PRKG1: variants seen among roughly 807,000 people sequenced by gnomAD.
PRKG1 encodes cGMP-dependent protein kinase 1.
PRKG1 carries 35 observed loss-of-function variants against 88.1 expected under a neutral mutation model. That is an observed-to-expected ratio of 0.40 (90% confidence interval 0.30 to 0.53). PRKG1 has a LOEUF of 0.53. Ranked by LOEUF, PRKG1 falls within the 20% of genes least tolerant of loss-of-function variation. The pLI, the probability that PRKG1 is intolerant of heterozygous loss-of-function variation, is 0.59. For missense variants in PRKG1, 540 were observed against 839.8 expected (o/e 0.64, Z 4.41); for synonymous variants, 303 against 292.5 (o/e 1.04, Z -0.37).
chr10:51,495,898 G>A (rs10823083), intron 3 of PRKG1, among the ~76,000 whole-genome samples: 47,320 of 152,012 alleles, frequency 0.31, 7,815 homozygotes, highest in Admixed American at 0.41. Context: ...TGCAGAAGCC[G>A]TGTGGCCAAT....
At chr10:51,629,078 A>G (rs535170432) in intron 3 of PRKG1, among the ~76,000 whole-genome samples, 1 of 152,202 alleles carries the variant, frequency 6.6e-6, no homozygotes, top group Non-Finnish European at 1.5e-5. Flanking sequence ...AATAGAAAGG[A>G]TCATAGTTGA....
intron 14 of PRKG1, among the ~76,000 whole-genome samples, chr10:52,282,923 G>A (rs955246633): frequency 2.0e-5 from 3 of 152,112 alleles, no homozygotes; most frequent in Admixed American, 2.0e-4. Flanking sequence ...TTCGTAAAGA[G>A]GCTTTTGAAG....
chr10:51,865,064 T>C (rs923071576), intron 4 of PRKG1, among the ~76,000 whole-genome samples: 10 of 152,120 alleles, frequency 6.6e-5, no homozygotes, highest in African/African-American at 2.4e-4. Context: ...TAATGAATTA[T>C]AGGAGGATTT....
intron 4 of PRKG1, among the ~76,000 whole-genome samples, chr10:51,865,865 A>T (rs942207708): frequency 5.3e-5 from 8 of 152,094 alleles, no homozygotes; most frequent in African/African-American, 1.9e-4. Flanking sequence ...ATATATAATA[A>T]GCATTATTTT....
At chr10:52,000,159 A>G (rs1844557587) in intron 5 of PRKG1, among the ~76,000 whole-genome samples, 1 of 152,098 alleles carries the variant, frequency 6.6e-6, no homozygotes, top group Non-Finnish European at 1.5e-5. Context: ...ATAATAAAAA[A>G]GCAGAGCTCA....
At chr10:51,365,266 T>C (rs955010070) in intron 2 of PRKG1, among the ~76,000 whole-genome samples, 19 of 151,878 alleles carry the variant, frequency 1.3e-4, no homozygotes, top group African/African-American at 4.6e-4. Context: ...TAACAACATA[T>C]CTAACAGATC....
chr10:52,039,408 A>G (rs1004580580), intron 5 of PRKG1, among the ~76,000 whole-genome samples: 5 of 152,076 alleles, frequency 3.3e-5, no homozygotes, highest in Admixed American at 2.6e-4. Flanking sequence ...AGGACTGGCC[A>G]TTTACACTTC....
intron 6 of PRKG1, among the ~76,000 whole-genome samples, chr10:52,055,931 C>A (rs920404265): frequency 1.4e-4 from 22 of 152,088 alleles, no homozygotes; most frequent in Non-Finnish European, 2.9e-5. Context: ...GGTAATTCTC[C>A]TTGGACTACT....
chr10:51,451,324 A>T (rs556851113), intron 2 of PRKG1, among the ~76,000 whole-genome samples: 3 of 151,866 alleles, frequency 2.0e-5, no homozygotes, highest in East Asian at 3.9e-4. Flanking sequence ...TCTTAAACTA[A>T]CGTGATTTGT....
intron 1 of PRKG1, 91 bp from the exon 2 acceptor site, chr10:51,153,073 T>C (rs539190906): frequency 1.0e-6 from 1 of 985,774 alleles, no homozygotes; most frequent in African/African-American, 1.7e-5. Flanking sequence ...ACATTTGTGG[T>C]GTGCCAGAGC....
chr10:51,531,607 G>C (rs1057236867), intron 3 of PRKG1, among the ~76,000 whole-genome samples: 3 of 147,164 alleles, frequency 2.0e-5, no homozygotes, highest in African/African-American at 7.5e-5. Context: ...TTTGTGAATA[G>C]AGACATTGTT....
chr10:51,608,843 T>C (rs1002860014), intron 3 of PRKG1, among the ~76,000 whole-genome samples: 1 of 152,162 alleles, frequency 6.6e-6, no homozygotes, highest in African/African-American at 2.4e-5. Context: ...ACTATGTAGG[T>C]CTAGTATAAT....
At chr10:52,021,591 T>C (rs1036815152) in intron 5 of PRKG1, among the ~76,000 whole-genome samples, 1 of 152,172 alleles carries the variant, frequency 6.6e-6, no homozygotes, top group Non-Finnish European at 1.5e-5. Flanking sequence ...AAAAATTACA[T>C]ATGTGTTTAT....
chr10:52,255,607 T>A (rs1447932867), intron 10 of PRKG1, among the ~76,000 whole-genome samples: 1 of 151,960 alleles, frequency 6.6e-6, no homozygotes, highest in Non-Finnish European at 1.5e-5. Context: ...AGATAAAAAA[T>A]TTAATAAATA....
chr10:51,634,209 A>T lies in PRKG1; in HGVS notation c.592+166373A>T, dbSNP rs561469717. ...GCTTCACAAAGGAAGTAACAAAAAA[A>T]TGAGACTCTGAAATATTAATAGGAT... On this transcript the variant is annotated intron_variant, in intron 3 of 17. Coordinates refer to ENST00000373980, the MANE Select transcript of PRKG1 (RefSeq NM_006258.4). Among the ~76,000 whole-genome samples, 4 of 152,280 alleles carry T rather than the reference A, an allele frequency of 2.6e-5. No homozygotes were observed. In the South Asian group the frequency reaches 8.3e-4, roughly 32 times the overall value.
At chr10:52,212,308 C>T (rs141531676) in intron 9 of PRKG1, among the ~76,000 whole-genome samples, 309 of 152,296 alleles carry the variant, frequency 2.0e-3, no homozygotes, top group African/African-American at 7.0e-3. Flanking sequence ...AAGTAGGTTA[C>T]AGTCTGTTTA....
At chr10:51,154,790 T>G (rs904214141) in intron 2 of PRKG1, among the ~76,000 whole-genome samples, 1 of 151,498 alleles carries the variant, frequency 6.6e-6, no homozygotes, top group African/African-American at 2.4e-5. Context: ...CAAAACACAA[T>G]AAACAAAAAT....
chr10:51,881,462 G>C (rs928345752), intron 4 of PRKG1, among the ~76,000 whole-genome samples: 4 of 152,150 alleles, frequency 2.6e-5, no homozygotes, highest in African/African-American at 9.7e-5. Context: ...GGCTGAAATA[G>C]CAGGAAACTG....
At chr10:51,315,695 A>G (rs1480687173) in intron 2 of PRKG1, among the ~76,000 whole-genome samples, 1 of 152,214 alleles carries the variant, frequency 6.6e-6, no homozygotes. Flanking sequence ...TTGTGGGCCA[A>G]TTTCAATATT....
Sources: gnomAD v4.1 joint callset for allele counts (sites outside exome capture counted in the v4.1 genomes callset) on GRCh38, gnomAD v4.1.1 for gene constraint, MANE v1.5 for transcripts, NCBI Gene and HGNC (gene_info 2026-07-23, HGNC 2026-07-21) for gene names.